The following KIAA1549L variants were observed in gnomAD, a reference collection of about 807,000 sequenced individuals.
KIAA1549L encodes KIAA1549 like.
KIAA1549L carries 88 observed loss-of-function variants against 160.7 expected under a neutral mutation model. The observed-to-expected ratio is 0.55, with a 90% CI of 0.46 to 0.65. The LOEUF (loss-of-function observed/expected upper bound fraction) is 0.65. Ranked by LOEUF, KIAA1549L falls within the 30% of genes least tolerant of loss-of-function variation. KIAA1549L has a pLI of 0.00. For missense variants in KIAA1549L, 2,258 were observed against 2,437.5 expected, an observed-to-expected ratio of 0.93 and a Z score of 1.55; for synonymous variants, 950 against 976.7, an observed-to-expected ratio of 0.97 and a Z score of 0.51.
At chr11:33,469,627 G>C (rs549580155) in intron 1 of KIAA1549L, among the ~76,000 whole-genome samples, 1 of 152,310 alleles carries the variant, frequency 6.6e-6, no homozygotes, top group South Asian at 2.1e-4. Context: ...CACCATTTTA[G>C]AATCTTGCCG....
chr11:33,499,417 G>A (rs1008915454), intron 1 of KIAA1549L, among the ~76,000 whole-genome samples: 24 of 152,204 alleles, frequency 1.6e-4, no homozygotes, highest in East Asian at 5.8e-4. Flanking sequence ...TTGGGGAGGG[G>A]GATTTGTGTT....
intron 1 of KIAA1549L, among the ~76,000 whole-genome samples, chr11:33,422,534 TC>T (rs1293637750): frequency 3.6e-5 from 2 of 56,086 alleles, no homozygotes; most frequent in East Asian, 6.5e-4. Context: ...CTTCCCCCTT[TC>T]CCCCCTCCCC....
chr11:33,401,520 T>C (rs901605956), intron 1 of KIAA1549L, among the ~76,000 whole-genome samples: 1 of 151,914 alleles, frequency 6.6e-6, no homozygotes, highest in Non-Finnish European at 1.5e-5. Context: ...TGGTACCTTT[T>C]TCACCTGTTC....
Position 33,543,409 on chromosome 11 carries a change from A to G in KIAA1549L, c.1846A>G (p.Arg616Gly). The change falls in exon 2 of 21, where the codon AGG becomes GGG. Residue 616 changes from arginine (R) to glycine (G), a missense_variant. By Grantham distance (125) the Arg-to-Gly change is moderately radical (BLOSUM62 -2). Around this residue, in one of 6 missense-constraint regions of KIAA1549L, gnomAD observed 540 missense variants for 465.7 expected, o/e 1.16. Coordinates refer to ENST00000658780, the MANE Select transcript of KIAA1549L (RefSeq NM_012194.3). Reference protein sequence around the residue: ...SVSSPIITAPRTNPLPSGPPL... With the variant: ...SVSSPIITAPGTNPLPSGPPL... Reference sequence around the variant, plus strand: ...CTCATCTCCCATCATTACAGCACCAAGGACGAATCCCCTTCCTTCAGGACC... The same window carrying G: ...CTCATCTCCCATCATTACAGCACCAGGGACGAATCCCCTTCCTTCAGGACC... 1 of 1,613,990 alleles carries G rather than the reference A, an allele frequency of 6.2e-7. No homozygotes were observed. The highest frequency in any genetic ancestry group is 8.5e-7 in the Non-Finnish European group (1 of 1,179,876).
At chr11:33,499,775 T>C (rs1852903059) in intron 1 of KIAA1549L, among the ~76,000 whole-genome samples, 1 of 152,250 alleles carries the variant, frequency 6.6e-6, no homozygotes, top group African/African-American at 2.4e-5. Flanking sequence ...GAACCATTTA[T>C]TTGATAAATG....
rs569338988 is a variant in KIAA1549L at position 33,445,585 on chromosome 11, T to C, written c.238+68696T>C. ...GTCCTCTCTGTCTCCAAGTAGCTTATTGAAAAATAATTTTGCATAATGGCT... is the reference window on the plus strand; with the variant it reads ...GTCCTCTCTGTCTCCAAGTAGCTTACTGAAAAATAATTTTGCATAATGGCT... On this transcript the variant is annotated intron_variant, in intron 1 of 20. Transcript: ENST00000658780. 9.2e-5 allele frequency among the ~76,000 whole-genome samples: 14 copies of C among 152,332 alleles called. No homozygotes were observed. The East Asian group carries it at 1.2e-3, about 13-fold the overall frequency.
At chr11:33,453,958 C>G (rs1851771508) in intron 1 of KIAA1549L, among the ~76,000 whole-genome samples, 1 of 152,176 alleles carries the variant, frequency 6.6e-6, no homozygotes, top group Admixed American at 6.5e-5. Context: ...TTATTTCCCC[C>G]TTCACTCCCC....
chr11:33,660,888 C>T lies in KIAA1549L; in HGVS notation c.6033C>T (p.Ala2011=). 1 of 1,613,896 alleles carries T rather than the reference C, an allele frequency of 6.2e-7. No individual in the cohort carries two copies. The highest frequency in any genetic ancestry group is 8.5e-7 in the Non-Finnish European group (1 of 1,179,842). ...YSGNTVPAVF[A]IPAANRPGFT... is the part of the protein sequence containing the mutation. ...GTAATACGGTGCCAGCAGTGTTCGC[C>T]ATCCCAGCTGCCAACAGACCTGGCT... Residue 2011 remains alanine, a synonymous_variant, in exon 20 of 21, where the codon GCC becomes GCT. Transcript: ENST00000658780.
chr11:33,520,672 C>A (rs1389275441), intron 1 of KIAA1549L, among the ~76,000 whole-genome samples: 3 of 141,718 alleles, frequency 2.1e-5, no homozygotes, highest in Non-Finnish European at 4.5e-5. Context: ...TGGACATACA[C>A]CCCCCACCCC....
At chr11:33,516,766 A>C (rs1195881355) in intron 1 of KIAA1549L, among the ~76,000 whole-genome samples, 1 of 152,208 alleles carries the variant, frequency 6.6e-6, no homozygotes, top group Non-Finnish European at 1.5e-5. Context: ...AGAATTGGCA[A>C]CTTTTTTTTT....
chr11:33,540,676 T>G (rs186733514), intron 1 of KIAA1549L, among the ~76,000 whole-genome samples: 9 of 152,348 alleles, frequency 5.9e-5, no homozygotes, highest in African/African-American at 2.2e-4. Flanking sequence ...TGAAATACTA[T>G]GCAGACTTTA....
At chr11:33,638,246 CT>C (rs530572769) in intron 16 of KIAA1549L, among the ~76,000 whole-genome samples, 1 of 151,526 alleles carries the variant, frequency 6.6e-6, no homozygotes, top group Non-Finnish European at 1.5e-5. Flanking sequence ...AACTCCCTCA[CT>C]TTTTTTTTCA....
At chr11:33,469,226 C>T (rs1852125581) in intron 1 of KIAA1549L, among the ~76,000 whole-genome samples, 1 of 152,078 alleles carries the variant, frequency 6.6e-6, no homozygotes, top group East Asian at 1.9e-4. Context: ...CGCAATCTAC[C>T]TTCTGTCTCT....
At chr11:33,388,335 G>A (rs1850212554) in intron 1 of KIAA1549L, among the ~76,000 whole-genome samples, 1 of 151,918 alleles carries the variant, frequency 6.6e-6, no homozygotes, top group Admixed American at 6.5e-5. Flanking sequence ...ACTATCAGAA[G>A]AATAGCGTAG....
chr11:33,404,625 G>T (rs1478749206), intron 1 of KIAA1549L, among the ~76,000 whole-genome samples: 2 of 152,058 alleles, frequency 1.3e-5, no homozygotes, highest in Non-Finnish European at 2.9e-5. Context: ...GATGAAGGTC[G>T]TGAATAGACA....
intron 4 of KIAA1549L, among the ~76,000 whole-genome samples, chr11:33,549,488 A>T (rs183438618): frequency 2.0e-5 from 3 of 152,334 alleles, no homozygotes; most frequent in African/African-American, 7.2e-5. Flanking sequence ...TCACTGAGTG[A>T]TTTAGTTGAT....
At chr11:33,605,182 TTTGTTTTG>T (rs1005864778) in intron 13 of KIAA1549L, among the ~76,000 whole-genome samples, 16 of 149,358 alleles carry the variant, frequency 1.1e-4, no homozygotes, top group African/African-American at 3.9e-4. Context: ...TTTGTTTTGT[TTTGTTTTG>T]TTTTTTTACA....
At chr11:33,530,435 A>T (rs1853732844) in intron 1 of KIAA1549L, among the ~76,000 whole-genome samples, 1 of 7,076 alleles carries the variant, frequency 1.4e-4, no homozygotes, top group South Asian at 4.4e-3. Context: ...AAAAAAAAAA[A>T]AATATATATA....
intron 1 of KIAA1549L, among the ~76,000 whole-genome samples, chr11:33,395,852 T>G (rs1044475853): frequency 6.6e-6 from 1 of 152,220 alleles, no homozygotes; most frequent in East Asian, 1.9e-4. Context: ...AAAGTCACCT[T>G]GACATCTTTT....
Sources: gnomAD v4.1 joint callset for allele counts (sites outside exome capture counted in the v4.1 genomes callset) on GRCh38, gnomAD v4.1.1 for gene constraint, gnomAD v4.1.1 regional missense constraint, MANE v1.5 for transcripts, NCBI Gene and HGNC (gene_info 2026-07-23, HGNC 2026-07-21) for gene names.